Variants in ACAA2 observed in about 807,000 individuals in gnomAD.
ACAA2 encodes acetyl-CoA acyltransferase 2.
ACAA2 carries 35 observed loss-of-function variants against 44.8 expected under a neutral mutation model. That is an observed-to-expected ratio of 0.78 (90% CI 0.60 to 1.04). The LOEUF is 1.04. Ranked by LOEUF, ACAA2 falls within the 50% of genes least tolerant of loss-of-function variation. ACAA2 has a pLI of 0.00. For synonymous variants in ACAA2, 142 were observed against 166.5 expected (o/e 0.85, Z 1.13); for missense variants, 468 against 482.6 (o/e 0.97, Z 0.28).
chr18:49,795,177 T>C (rs985952623), intron 4 of ACAA2, among the ~76,000 whole-genome samples: 1 of 152,150 alleles, frequency 6.6e-6, no homozygotes, highest in Non-Finnish European at 1.5e-5. Context: ...TGCTAAAAAA[T>C]ATAAAATGTC....
At chr18:49,784,667 A>T (rs1056076585) in intron 9 of ACAA2, among the ~76,000 whole-genome samples, 2 of 152,150 alleles carry the variant, frequency 1.3e-5, no homozygotes, top group Admixed American at 1.3e-4. Flanking sequence ...ATATTCCAAA[A>T]ATAGAAGAGC....
At chr18:49,807,900 T>A (rs145200399) in intron 1 of ACAA2, among the ~76,000 whole-genome samples, 30 of 150,482 alleles carry the variant, frequency 2.0e-4, no homozygotes, top group Middle Eastern at 3.5e-3. Context: ...AGCGACAGAC[T>A]AGGAGAAAAT....
intron 2 of ACAA2, among the ~76,000 whole-genome samples, chr18:49,799,466 C>A (rs1378418716): frequency 6.6e-6 from 1 of 152,254 alleles, no homozygotes; most frequent in Non-Finnish European, 1.5e-5. Flanking sequence ...ATCCGCCAGC[C>A]TCGGCCTCCC....
In ACAA2 at chr18:49,797,532, C is replaced by T; in HGVS notation, c.246G>A (p.Glu82=). Reference sequence around the variant, plus strand: ...GCCTATTAATCGTGAGAGCTGGGGTCTCCTTTGGGATTCCCACACGCAAAC... The same window carrying T: ...GCCTATTAATCGTGAGAGCTGGGGTTTCCTTTGGGATTCCCACACGCAAAC... The part of the protein sequence containing the change: ...HVGLRVGIPK[E]TPALTINRLC... Residue 82 remains glutamate, a synonymous_variant, in exon 3 of 10, where the codon GAG becomes GAA. Coordinates refer to ENST00000285093, the MANE Select transcript of ACAA2 (RefSeq NM_006111.3). The T allele has an allele frequency of 6.2e-7, 1 of 1,612,028 alleles. No individual in the cohort carries two copies. Among genetic ancestry groups the T allele is most frequent in the Non-Finnish European group, 8.5e-7 (1 of 1,179,390 alleles).
chr18:49,799,334 C>T (rs1035740705), intron 2 of ACAA2, among the ~76,000 whole-genome samples: 1 of 152,130 alleles, frequency 6.6e-6, no homozygotes, highest in Admixed American at 6.5e-5. Flanking sequence ...CCTGCCTCAG[C>T]CTGCTGAGTG....
chr18:49,791,005 A>G (rs1459171465), intron 7 of ACAA2, among the ~76,000 whole-genome samples: 1 of 152,192 alleles, frequency 6.6e-6, no homozygotes, highest in Admixed American at 6.5e-5. Flanking sequence ...TCTCATTCAC[A>G]AAGAAGTCTC....
At chr18:49,784,054 A>G (rs1237769156) in intron 9 of ACAA2, 123 bp from the exon 10 acceptor site, 2 of 786,488 alleles carry the variant, frequency 2.5e-6, no homozygotes, top group African/African-American at 3.4e-5. Flanking sequence ...TCTTTTCCCC[A>G]GTCCTCAATT....
chr18:49,784,433 T>A (rs903819379), intron 9 of ACAA2, among the ~76,000 whole-genome samples: 1 of 152,212 alleles, frequency 6.6e-6, no homozygotes, highest in African/African-American at 2.4e-5. Flanking sequence ...ACTATCCATG[T>A]CCCTTTCATA....
chr18:49,788,916 C>A, intron 7 of ACAA2, among the ~76,000 whole-genome samples: 1 of 152,288 alleles, frequency 6.6e-6, no homozygotes, highest in Admixed American at 6.5e-5. Flanking sequence ...AATAGCTGTG[C>A]GACTTTGTGC....
In ACAA2 at chr18:49,787,260, TAAAA is replaced by T. The variant is rs35932656; in HGVS notation, c.954+27_954+30del. The T allele has an allele frequency of 1.1e-3, 1,093 of 1,024,420 alleles. 3 individuals are homozygous for T. In the Admixed American group the frequency reaches 0.011, roughly 11 times the overall value. 63.5% of individuals were successfully genotyped at this position (1,024,420 alleles called of 1,614,324 possible). A position where few individuals can be genotyped will look rare whatever the true frequency, so the allele number is the denominator to read the frequency against. ...AAAGTACATGGTTTATTCATGTTGT[TAAAA>T]AAAAAAAAAAAAAAAAAAACACTTA... On this transcript the variant is annotated intron_variant, in intron 8 of 9. Transcript: ENST00000285093.
chr18:49,796,026 G>C (rs2023461088), intron 3 of ACAA2, 145 bp from the exon 4 acceptor site: 1 of 561,760 alleles, frequency 1.8e-6, no homozygotes, highest in African/African-American at 1.9e-5. Flanking sequence ...TGCTTTTAAA[G>C]TAACTGTAAA....
intron 2 of ACAA2, among the ~76,000 whole-genome samples, chr18:49,798,836 G>A (rs370366021): frequency 2.0e-5 from 3 of 152,012 alleles, no homozygotes; most frequent in Admixed American, 6.5e-5. Flanking sequence ...TTTTGCCAAG[G>A]TTTGTCAAAT....
Position 49,792,477 on chromosome 18 carries a change from CAT to C in ACAA2, c.578-152_578-151del, listed in dbSNP as rs2023415059. 13 of 757,716 alleles carry C rather than the reference CAT, an allele frequency of 1.7e-5. No homozygotes were observed. The South Asian group carries it at 2.7e-4, about 16-fold the overall frequency. 46.9% of individuals were successfully genotyped at this position (757,716 alleles called of 1,614,324 possible). On this transcript the variant is annotated intron_variant, in intron 5 of 9. Coordinates refer to ENST00000285093, the MANE Select transcript of ACAA2 (RefSeq NM_006111.3). The stretch of plus-strand genomic sequence containing the variant: ...TATTAATTTTTGAGATGGAGTCTCA[CAT>C]TGTCGCCTGGGCTGGAGTGCAACGG...
intron 4 of ACAA2, 37 bp from the exon 5 acceptor site, chr18:49,794,464 A>T (rs753632147): frequency 1.4e-6 from 2 of 1,449,884 alleles, no homozygotes; most frequent in Non-Finnish European, 1.8e-6. Flanking sequence ...TTGTTAAGGC[A>T]TTTCCTTTTA....
At chr18:49,794,194 ATAT>A (rs2023438313) in intron 5 of ACAA2, 83 bp downstream of exon 5, 2 of 998,344 alleles carry the variant, frequency 2.0e-6, no homozygotes, top group Non-Finnish European at 2.7e-6. Context: ...TGATTTGTAA[ATAT>A]TATATAACCA....
At chr18:49,785,700 A>G (rs2023319936) in intron 8 of ACAA2, 2 of 240,106 alleles carry the variant, frequency 8.3e-6, no homozygotes, top group African/African-American at 2.3e-5. Flanking sequence ...GACCTTATGC[A>G]TATTCTTTAA....
intron 6 of ACAA2, 112 bp from the exon 7 acceptor site, chr18:49,791,711 C>T (rs1411267309): frequency 7.4e-6 from 8 of 1,075,378 alleles, no homozygotes; most frequent in Non-Finnish European, 9.3e-6. Flanking sequence ...GAAGCCAGTG[C>T]ACAGTGTGAG....
At chr18:49,803,241 A>ATAATAATAATAC (rs1287729687) in intron 1 of ACAA2, among the ~76,000 whole-genome samples, 1 of 136,628 alleles carries the variant, frequency 7.3e-6, no homozygotes, top group Non-Finnish European at 1.5e-5. Context: ...GGTAGTTAAA[A>ATAATAATAATAC]TAATAATAAT....
intron 7 of ACAA2, among the ~76,000 whole-genome samples, chr18:49,790,503 C>A (rs534073280): frequency 2.0e-4 from 30 of 152,212 alleles, no homozygotes; most frequent in Non-Finnish European, 3.4e-4. Flanking sequence ...TTTAGTTATT[C>A]AAAAAAGGGC....
Sources: gnomAD v4.1 joint callset for allele counts (sites outside exome capture counted in the v4.1 genomes callset) on GRCh38, gnomAD v4.1.1 for gene constraint, MANE v1.5 for transcripts, NCBI Gene and HGNC (gene_info 2026-07-23, HGNC 2026-07-21) for gene names.